The following LGSN variants were observed in gnomAD, a reference collection of about 807,000 sequenced individuals.
The protein encoded by LGSN is lengsin, lens protein with glutamine synthetase domain.
A neutral mutation model predicts 19.5 loss-of-function variants in LGSN; 21 were observed. That is an observed-to-expected ratio of 1.07 (90% CI 0.76 to 1.55). The LOEUF (loss-of-function observed/expected upper bound fraction) is 1.55, where lower values mean the gene tolerates loss of function less well. Ranked by LOEUF, LGSN falls within the 40% of genes most tolerant of loss-of-function variation. The pLI is 0.00. For missense variants in LGSN, 673 were observed against 608.5 expected (o/e 1.11, Z -1.12); for synonymous variants, 257 against 215.6 (o/e 1.19, Z -1.68).
chr6:63,448,637 G>T, the LGSN span, among the ~76,000 whole-genome samples: 4 of 148,402 alleles, frequency 2.7e-5, no homozygotes, highest in Non-Finnish European at 4.5e-5. Context: ...CAGTTACATG[G>T]CATATTAAAT....
At chr6:63,446,224 G>A in the LGSN span, among the ~76,000 whole-genome samples, 387 of 147,774 alleles carry the variant, frequency 2.6e-3, 4 homozygotes, top group African/African-American at 9.4e-3. Context: ...ACTCCAGCCT[G>A]GGCGACGAGA....
chr6:63,480,308 A>T, the LGSN span: 2 of 214,320 alleles, frequency 9.3e-6, no homozygotes, highest in South Asian at 1.8e-4. Flanking sequence ...GTATAATTAC[A>T]TCAAGTCTTA....
At chr6:63,351,880 C>G in the LGSN span, among the ~76,000 whole-genome samples, 2 of 152,128 alleles carry the variant, frequency 1.3e-5, no homozygotes, top group Admixed American at 1.3e-4. Flanking sequence ...ACTGTATAGT[C>G]TTTTTAAACC....
chr6:63,491,884 C>T, the LGSN span, among the ~76,000 whole-genome samples: 3 of 152,044 alleles, frequency 2.0e-5, no homozygotes. Context: ...AAAAAATTAG[C>T]CGGGCGTAGT....
chr6:63,517,856 C>T, the LGSN span, among the ~76,000 whole-genome samples: 1 of 152,144 alleles, frequency 6.6e-6, no homozygotes, highest in East Asian at 1.9e-4. Context: ...TCCATTGACA[C>T]ATAAAATCTC....
the LGSN span, among the ~76,000 whole-genome samples, chr6:63,420,140 T>C: frequency 2.0e-5 from 3 of 151,466 alleles, no homozygotes; most frequent in Admixed American, 1.3e-4. Flanking sequence ...GAGGCGGAGC[T>C]TGCAGTGAGC....
chr6:63,453,615 T>C, the LGSN span, among the ~76,000 whole-genome samples: 3 of 152,276 alleles, frequency 2.0e-5, no homozygotes, highest in East Asian at 5.8e-4. Context: ...CATGGTATAT[T>C]GTTTTCTGTT....
the LGSN span, among the ~76,000 whole-genome samples, chr6:63,567,413 C>T: frequency 6.6e-6 from 1 of 152,182 alleles, no homozygotes; most frequent in Non-Finnish European, 1.5e-5. Context: ...CCTTGTACAT[C>T]TCCATCAGAG....
At chr6:63,525,828 A>G in the LGSN span, among the ~76,000 whole-genome samples, 1 of 152,140 alleles carries the variant, frequency 6.6e-6, no homozygotes, top group African/African-American at 2.4e-5. Flanking sequence ...TATCTCTTAA[A>G]ATAGTTGGTG....
At chr6:63,365,191 A>G in the LGSN span, among the ~76,000 whole-genome samples, 2 of 152,192 alleles carry the variant, frequency 1.3e-5, no homozygotes, top group African/African-American at 4.8e-5. Flanking sequence ...GACCACTAGC[A>G]AGACTAATAA....
chr6:63,427,100 C>T, the LGSN span, among the ~76,000 whole-genome samples: 1 of 147,126 alleles, frequency 6.8e-6, no homozygotes, highest in African/African-American at 2.5e-5. Context: ...CCCAGGAGTA[C>T]AATGGCGCAA....
chr6:63,322,184 A>C (rs181401272), upstream of LGSN, among the ~76,000 whole-genome samples: 1 of 152,220 alleles, frequency 6.6e-6, no homozygotes, highest in African/African-American at 2.4e-5. Context: ...GATTAAATCT[A>C]TTCTTTCACT....
the LGSN span, among the ~76,000 whole-genome samples, chr6:63,455,145 C>T: frequency 2.0e-5 from 3 of 152,166 alleles, no homozygotes; most frequent in African/African-American, 7.2e-5. Flanking sequence ...ACCAATAGAA[C>T]CAACTGGATC....
At chr6:63,432,109 GAAA>G in the LGSN span, among the ~76,000 whole-genome samples, 6 of 78,756 alleles carry the variant, frequency 7.6e-5, no homozygotes, top group Non-Finnish European at 1.0e-4. Flanking sequence ...AAGAAAGAAA[GAAA>G]GAAAGAAAGA....
the LGSN span, among the ~76,000 whole-genome samples, chr6:63,484,782 G>A: frequency 6.6e-6 from 1 of 152,162 alleles, no homozygotes; most frequent in Non-Finnish European, 1.5e-5. Flanking sequence ...ATAACTTCTG[G>A]ACCAGTTGTG....
chr6:63,435,225 A>T, the LGSN span, among the ~76,000 whole-genome samples: 1 of 152,214 alleles, frequency 6.6e-6, no homozygotes, highest in African/African-American at 2.4e-5. Flanking sequence ...CAACAAAATG[A>T]GATTTATAGA....
chr6:63,426,910 A>G, the LGSN span, among the ~76,000 whole-genome samples: 2 of 152,202 alleles, frequency 1.3e-5, no homozygotes, highest in South Asian at 4.1e-4. Flanking sequence ...ACAGCTCATA[A>G]AATCAATGTG....
chr6:63,533,210 G>C, the LGSN span, among the ~76,000 whole-genome samples: 1 of 152,038 alleles, frequency 6.6e-6, no homozygotes, highest in Admixed American at 6.6e-5. Context: ...GGTTAAACCT[G>C]GTATCTACTA....
At chr6:63,362,530 C>T in the LGSN span, among the ~76,000 whole-genome samples, 22 of 152,314 alleles carry the variant, frequency 1.4e-4, no homozygotes, top group South Asian at 8.3e-4. Flanking sequence ...TCTTAGCAAA[C>T]GGCACACCAG....
Sources: gnomAD v4.1 joint callset for allele counts (sites outside exome capture counted in the v4.1 genomes callset) on GRCh38, gnomAD v4.1.1 for gene constraint, MANE v1.5 for transcripts, NCBI Gene and HGNC (gene_info 2026-07-23, HGNC 2026-07-21) for gene names.